The following ADGRA2 variants were observed in gnomAD, a reference collection of about 807,000 sequenced individuals.
ADGRA2 encodes the protein adhesion G protein-coupled receptor A2.
Under a neutral mutation model 98.7 loss-of-function variants are expected in ADGRA2, and 61 were observed. The observed-to-expected ratio is 0.62, with a 90% CI of 0.50 to 0.76. The LOEUF is 0.76. ADGRA2 is among the 30% of genes least tolerant of loss of function. The pLI is 0.00. For missense variants in ADGRA2, 1,712 were observed against 1,860.0 expected, an observed-to-expected ratio of 0.92 and a Z score of 1.46; for synonymous variants, 858 against 831.5, an observed-to-expected ratio of 1.03 and a Z score of -0.55.
intron 1 of ADGRA2, among the ~76,000 whole-genome samples, chr8:37,810,931 A>G (rs888171985): frequency 2.0e-5 from 3 of 151,388 alleles, no homozygotes; most frequent in African/African-American, 7.3e-5. Flanking sequence ...CCTGGCTAAC[A>G]TAGTGAAACC....
Position 37,797,861 on chromosome 8 carries a change from G to A in ADGRA2, c.266+327G>A, listed in dbSNP as rs566973572. ...ATTTCCAGCCTGGACTAGGGTTGCGGACTTTGGGGACCTGAGAAGGGTGAG... is the reference window on the plus strand; with the variant it reads ...ATTTCCAGCCTGGACTAGGGTTGCGAACTTTGGGGACCTGAGAAGGGTGAG... On this transcript the variant is annotated intron_variant, in intron 1 of 18. Coordinates refer to ENST00000412232, the MANE Select transcript of ADGRA2 (RefSeq NM_032777.10). This position sits in a 1 kb window ranked among gnomAD's most constrained non-coding sequence, Gnocchi z 5.3. 1.3e-5 allele frequency among the ~76,000 whole-genome samples: 2 copies of A among 152,354 alleles called. No individual in the cohort carries two copies. The highest frequency in any genetic ancestry group is 2.4e-5 in the African/African-American group (1 of 41,588).
intron 2 of ADGRA2, among the ~76,000 whole-genome samples, chr8:37,816,548 C>T (rs1459378045): frequency 1.3e-5 from 2 of 150,926 alleles, no homozygotes; most frequent in African/African-American, 2.4e-5. Context: ...GCTGAGATTG[C>T]GCCACTGCAC....
intron 1 of ADGRA2, among the ~76,000 whole-genome samples, chr8:37,799,904 C>T (rs1234496951): frequency 6.6e-6 from 1 of 152,160 alleles, no homozygotes; most frequent in Non-Finnish European, 1.5e-5. Context: ...TTCGCATAAT[C>T]CTCATCCTCA....
Position 37,822,417 on chromosome 8 carries a change from GC to G in ADGRA2, c.339-6470del, listed in dbSNP as rs1563344189. 3.0e-3 allele frequency among the ~76,000 whole-genome samples: 411 copies of G among 136,338 alleles called. 1 individual carries two copies. The highest frequency in any genetic ancestry group is 0.012 in the African/African-American group (393 of 31,786). 89.4% of individuals were successfully genotyped at this position (136,338 alleles called of 152,430 possible). A position where few individuals can be genotyped will look rare whatever the true frequency, so the allele number is the denominator to read the frequency against. The stretch of plus-strand genomic sequence containing the variant: ...CACACACACACACACACAGTCACAT[GC>G]TCTTTAACTCACATGCTCTTTAACG... On this transcript the variant is annotated intron_variant, in intron 2 of 18. Transcript: ENST00000412232.
intron 1 of ADGRA2, among the ~76,000 whole-genome samples, chr8:37,810,547 G>A (rs994477337): frequency 1.7e-4 from 26 of 151,964 alleles, no homozygotes; most frequent in Non-Finnish European, 2.9e-5. Context: ...GCTCAGGCTG[G>A]AGTGCAGTGG....
chr8:37,819,178 C>T (rs1805061754), intron 2 of ADGRA2, among the ~76,000 whole-genome samples: 1 of 152,050 alleles, frequency 6.6e-6, no homozygotes, highest in Non-Finnish European at 1.5e-5. Context: ...GTGTGTGGGA[C>T]ACCCACAGCG....
Position 37,829,305 on chromosome 8 carries a change from T to C in ADGRA2, c.455T>C (p.Phe152Ser). The change falls in exon 4 of 19, where the codon TTC becomes TCC. Residue 152 changes from phenylalanine to serine, a missense_variant. Phe to Ser is a radical substitution (Grantham distance 155). Coordinates refer to ENST00000412232, the MANE Select transcript of ADGRA2 (RefSeq NM_032777.10). ...ATTGGCTGTCTCACCTCCGAGACCT[T>C]CCAGGGCCTCCCCAGGCTTCTCCGA... is the stretch of plus-strand genomic sequence containing the variant. ...NRIGCLTSET[F>S]QGLPRLLRLN... 1 of 1,613,498 alleles carries C rather than the reference T, an allele frequency of 6.2e-7. No individual in the cohort carries two copies. Among genetic ancestry groups the C allele is most frequent in the Non-Finnish European group, 8.5e-7 (1 of 1,179,746 alleles).
At position 37,797,232 on chromosome 8, in the gene ADGRA2, GC is replaced by G. The variant is rs1804354109; in HGVS notation, c.-33del. 1 of 1,216,690 alleles carries G rather than the reference GC, an allele frequency of 8.2e-7. No individual in the cohort carries two copies. Among genetic ancestry groups the G allele is most frequent in the Non-Finnish European group, 1.0e-6 (1 of 979,322 alleles). 75.4% of individuals were successfully genotyped at this position (1,216,690 alleles called of 1,614,324 possible). On this transcript the variant is annotated 5_prime_UTR_variant, in exon 1 of 19. Coordinates refer to ENST00000412232, the MANE Select transcript of ADGRA2 (RefSeq NM_032777.10). The surrounding 1 kb of genome is among the most constrained non-coding windows in gnomAD (Gnocchi z 5.3). ...GTCCCTCCGGCCGGCGCGCAGCCCG[GC>G]CCCAGCGCTGTGGGTCCCCGCGGGG...
chr8:37,841,922 C>A lies in ADGRA2; in HGVS notation c.3584C>A (p.Ala1195Asp). The change falls in exon 19 of 19, where the codon GCC becomes GAC. Residue 1195 changes from alanine (A) to aspartate (D), a missense_variant. Physicochemically the swap from Ala to Asp is moderately radical, Grantham distance 126. Transcript: ENST00000412232. The surrounding 1 kb of genome is among the most constrained non-coding windows in gnomAD (Gnocchi z 5.0). ...GCCAAGGGACACCGCGCGGGGGAGGCCTGCGGCAAGAACCGGCTCAAGGCC... is the reference window on the plus strand; with the variant it reads ...GCCAAGGGACACCGCGCGGGGGAGGACTGCGGCAAGAACCGGCTCAAGGCC... ...SRAKGHRAGEACGKNRLKALR... is the reference protein window; with the variant it reads ...SRAKGHRAGEDCGKNRLKALR... 3.9e-6 allele frequency: 6 copies of A among 1,524,176 alleles called. No homozygotes were observed. The highest frequency in any genetic ancestry group is 4.4e-6 in the Non-Finnish European group (5 of 1,143,016). 94.4% of individuals were successfully genotyped at this position (1,524,176 alleles called of 1,614,324 possible).
chr8:37,809,961 C>T (rs569140737), intron 1 of ADGRA2, among the ~76,000 whole-genome samples: 5 of 152,266 alleles, frequency 3.3e-5, no homozygotes, highest in African/African-American at 9.6e-5. Context: ...GGTAGGTCCC[C>T]GATCTGTCGC....
rs1338931776 is a variant in ADGRA2, at chr8:37,843,288, A to G, written c.*933A>G. 2.0e-5 allele frequency: 3 copies of G among 152,222 alleles called. No homozygotes were observed. The highest frequency in any genetic ancestry group is 7.2e-5 in the African/African-American group (3 of 41,448). The allele number at this position is 152,222 out of a possible 1,614,324, so 9.4% of individuals were successfully genotyped here. ...AGTCTCAGCCTTACAACACCACGGG[A>G]CTAAGGAAGAGCACTTCCTTGCCTC... On this transcript the variant is annotated 3_prime_UTR_variant, in exon 19 of 19. Coordinates refer to ENST00000412232, the MANE Select transcript of ADGRA2 (RefSeq NM_032777.10).
Position 37,814,828 on chromosome 8 carries a change from A to G in ADGRA2, c.267-68A>G. 4 of 1,147,814 alleles carry G rather than the reference A, an allele frequency of 3.5e-6. No individual in the cohort carries two copies. In the South Asian group the frequency reaches 3.7e-5, roughly 11 times the overall value. 71.1% of individuals were successfully genotyped at this position (1,147,814 alleles called of 1,614,324 possible). On this transcript the variant is annotated intron_variant, in intron 1 of 18. Transcript: ENST00000412232. This position sits in a 1 kb window ranked among gnomAD's most constrained non-coding sequence, Gnocchi z 4.3. ...GACAAAGATGCAAGCTGGCCCCACC[A>G]GTGGTGAAAGCGGATGCCCAGCACA...
In ADGRA2 at chr8:37,829,986, C is replaced by T; in HGVS notation, c.690C>T (p.Gly230=). The stretch of plus-strand genomic sequence containing the variant: ...GTGCCCTGCATGCTCAGGCCCTGGG[C>T]AGCCTCCAGGAGGCCCAGCTCTGCT... The part of the protein sequence containing the change: ...YPSALHAQAL[G]SLQEAQLCCE... The change falls in exon 6 of 19, where the codon GGC becomes GGT. Residue 230 remains glycine (G), a synonymous_variant. Transcript: ENST00000412232. 1 of 1,593,714 alleles carries T rather than the reference C, an allele frequency of 6.3e-7. No individual in the cohort carries two copies.
At chr8:37,801,196 T>TC (rs1208477202) in intron 1 of ADGRA2, among the ~76,000 whole-genome samples, 1 of 152,170 alleles carries the variant, frequency 6.6e-6, no homozygotes, top group Non-Finnish European at 1.5e-5. Context: ...ATCCCCTGTC[T>TC]CCCCCATCCT....
chr8:37,828,047 T>A (rs1185978639), intron 2 of ADGRA2, among the ~76,000 whole-genome samples: 1 of 151,536 alleles, frequency 6.6e-6, no homozygotes, highest in Non-Finnish European at 1.5e-5. Context: ...GAGGCAGAGG[T>A]TGGAGGATGG....
intron 9 of ADGRA2, 114 bp downstream of exon 9, chr8:37,833,322 G>T: frequency 1.2e-6 from 1 of 835,968 alleles, no homozygotes; most frequent in South Asian, 1.8e-5. Context: ...TGTGCCTCCT[G>T]TTCCTGCCTG....
Position 37,797,757 on chromosome 8 carries a change from C to T in ADGRA2, c.266+223C>T, listed in dbSNP as rs1443680691. 6.6e-6 allele frequency among the ~76,000 whole-genome samples: 1 copy of T among 152,150 alleles called. No homozygotes were observed. The highest frequency in any genetic ancestry group is 1.5e-5 in the Non-Finnish European group (1 of 68,008). ...AGGGGCTGCGGGGGACAGGCGCACCCCAGAGAAAGGCACCGCAGGCGCCCA... is the reference window on the plus strand; with the variant it reads ...AGGGGCTGCGGGGGACAGGCGCACCTCAGAGAAAGGCACCGCAGGCGCCCA... On this transcript the variant is annotated intron_variant, in intron 1 of 18. Transcript: ENST00000412232. The surrounding 1 kb of genome is among the most constrained non-coding windows in gnomAD (Gnocchi z 5.3).
intron 2 of ADGRA2, among the ~76,000 whole-genome samples, chr8:37,823,270 G>A (rs762187647): frequency 4.0e-5 from 6 of 149,690 alleles, no homozygotes; most frequent in African/African-American, 7.4e-5. Context: ...GCATGATCAC[G>A]GCTCACTGCA....
Position 37,836,100 on chromosome 8 carries a change from C to G in ADGRA2, c.2050+330C>G, listed in dbSNP as rs1021881688. 6.9e-5 allele frequency among the ~76,000 whole-genome samples: 10 copies of G among 144,094 alleles called. No homozygotes were observed. In the East Asian group the frequency reaches 2.0e-3, roughly 29 times the overall value. 94.5% of individuals were successfully genotyped at this position (144,094 alleles called of 152,430 possible). A position where few individuals can be genotyped will look rare whatever the true frequency, so the allele number is the denominator to read the frequency against. On this transcript the variant is annotated intron_variant, in intron 13 of 18. Transcript: ENST00000412232. ...ACACACACACACACACACACACACC[C>G]CACAGGCCCAATGCAGACAAGTAAT...
Sources: gnomAD v4.1 joint callset for allele counts (sites outside exome capture counted in the v4.1 genomes callset) on GRCh38, gnomAD v4.1.1 for gene constraint, Gnocchi (gnomAD v3.1) non-coding constraint, MANE v1.5 for transcripts, NCBI Gene and HGNC (gene_info 2026-07-23, HGNC 2026-07-21) for gene names.